CAP2: variants seen among roughly 807,000 people sequenced by gnomAD.
CAP2 encodes adenylyl cyclase-associated protein 2.
In CAP2, 24 loss-of-function variants were observed where a neutral mutation model predicts 57.7. That is an observed-to-expected ratio of 0.42 (90% CI 0.30 to 0.58). The LOEUF is 0.58. Among genes scored for constraint, CAP2 ranks in the 20% least tolerant of loss-of-function variants. The probability of loss-of-function intolerance (pLI) is 0.22; values close to 1 mark genes in which losing one functional copy is unlikely to be tolerated. For synonymous variants in CAP2, 194 were observed against 207.2 expected (o/e 0.94, Z 0.55); for missense variants, 501 against 590.3 (o/e 0.85, Z 1.57).
intron 3 of CAP2, among the ~76,000 whole-genome samples, chr6:17,427,877 G>A (rs1759632559): frequency 1.3e-5 from 2 of 152,230 alleles, no homozygotes; most frequent in South Asian, 4.1e-4. Flanking sequence ...TATGCTAAGT[G>A]AAATAAGCCA....
chr6:17,432,452 C>T (rs1054564491), intron 3 of CAP2, among the ~76,000 whole-genome samples: 1 of 152,184 alleles, frequency 6.6e-6, no homozygotes, highest in Admixed American at 6.5e-5. Context: ...TTTCTGTTCA[C>T]TGTTTTAATT....
At chr6:17,525,937 G>T (rs1167630300) in intron 7 of CAP2, among the ~76,000 whole-genome samples, 7 of 152,214 alleles carry the variant, frequency 4.6e-5, no homozygotes, top group African/African-American at 1.7e-4. Context: ...TTCCAGTTCA[G>T]CCTGAGATCA....
At chr6:17,471,344 C>G (rs1259607678) in intron 4 of CAP2, among the ~76,000 whole-genome samples, 1 of 152,076 alleles carries the variant, frequency 6.6e-6, no homozygotes, top group African/African-American at 2.4e-5. Context: ...GTAATTCTGG[C>G]CCTAATGTAA....
At chr6:17,441,355 C>G (rs1760067986) in intron 3 of CAP2, among the ~76,000 whole-genome samples, 1 of 151,526 alleles carries the variant, frequency 6.6e-6, no homozygotes, top group Non-Finnish European at 1.5e-5. Flanking sequence ...TCCTTATGTA[C>G]TTTCAAGCTT....
intron 2 of CAP2, among the ~76,000 whole-genome samples, chr6:17,423,208 C>T (rs1759492596): frequency 6.6e-6 from 1 of 152,196 alleles, no homozygotes; most frequent in Admixed American, 6.5e-5. Context: ...GGACCCGTGC[C>T]TGTATTACAT....
chr6:17,433,850 T>C lies in CAP2; in HGVS notation c.222+7160T>C, dbSNP rs372793423. On this transcript the variant is annotated intron_variant, in intron 3 of 12. Transcript: ENST00000229922. ...TTCATTGGACATCCCTGTGACTCCT[T>C]TTTTACTTAAAGTTTGTTTCTAGAG... Among the ~76,000 whole-genome samples the C allele has an allele frequency of 1.2e-4, 18 of 152,306 alleles. 1 individual carries two copies. Among genetic ancestry groups the C allele is most frequent in the African/African-American group, 4.1e-4 (17 of 41,582 alleles).
intron 7 of CAP2, among the ~76,000 whole-genome samples, chr6:17,525,104 T>C (rs780020453): frequency 2.0e-5 from 3 of 151,882 alleles, no homozygotes; most frequent in African/African-American, 4.8e-5. Flanking sequence ...GGTTTCACCA[T>C]GTTGGCCAGG....
chr6:17,417,420 C>T lies in CAP2; in HGVS notation c.-1-4135C>T, dbSNP rs188193663. Among the ~76,000 whole-genome samples, 383 of 151,794 alleles carry T rather than the reference C, an allele frequency of 2.5e-3. 1 individual carries two copies. The highest frequency in any genetic ancestry group is 8.0e-3 in the African/African-American group (330 of 41,424). ...TCCTCCAAATAGCTGGGATTGTAGG[C>T]GTGTGCCACCACACCCAGCTAATTT... On this transcript the variant is annotated intron_variant, in intron 1 of 12. Transcript: ENST00000229922.
At chr6:17,400,467 A>G (rs1456167070) in intron 1 of CAP2, among the ~76,000 whole-genome samples, 3 of 152,238 alleles carry the variant, frequency 2.0e-5, no homozygotes, top group Admixed American at 6.5e-5. Flanking sequence ...TAGAATGAAT[A>G]GAAGATGACA....
At chr6:17,482,377 C>T (rs1006720562) in intron 4 of CAP2, among the ~76,000 whole-genome samples, 10 of 151,930 alleles carry the variant, frequency 6.6e-5, no homozygotes, top group East Asian at 1.9e-4. Context: ...GGCATGGTGG[C>T]GTGCGCCTGT....
At position 17,393,626 on chromosome 6, in the gene CAP2, G is replaced by T. The variant is rs777144224; in HGVS notation, c.-122G>T. The stretch of plus-strand genomic sequence containing the variant: ...CCCCTGGAGCAGCGTGACTGACACC[G>T]GCTCCTATTCAGCTGGGAGGAGGGA... On this transcript the variant is annotated 5_prime_UTR_variant, in exon 1 of 13. Coordinates refer to ENST00000229922, the MANE Select transcript of CAP2 (RefSeq NM_006366.3). 1.3e-5 allele frequency: 2 copies of T among 152,394 alleles called. No homozygotes were observed. Among genetic ancestry groups the T allele is most frequent in the African/African-American group, 4.8e-5 (2 of 41,462 alleles). The allele number at this position is 152,394 out of a possible 1,614,324, so 9.4% of individuals were successfully genotyped here.
intron 6 of CAP2, among the ~76,000 whole-genome samples, chr6:17,508,025 G>A (rs373516172): frequency 1.3e-5 from 2 of 152,290 alleles, no homozygotes; most frequent in South Asian, 2.1e-4. Context: ...GCTTGGTGAT[G>A]GAACAACCCT....
At chr6:17,496,233 C>G (rs1761667251) in intron 4 of CAP2, among the ~76,000 whole-genome samples, 1 of 152,152 alleles carries the variant, frequency 6.6e-6, no homozygotes, top group African/African-American at 2.4e-5. Context: ...CACAGAATAC[C>G]AGTTCCTTAG....
chr6:17,411,732 C>T (rs1022249574), intron 1 of CAP2, among the ~76,000 whole-genome samples: 2 of 152,102 alleles, frequency 1.3e-5, no homozygotes, highest in African/African-American at 4.8e-5. Context: ...GGTTCACGAC[C>T]CTCCTGCCCA....
chr6:17,468,653 A>G (rs1760935067), intron 4 of CAP2, among the ~76,000 whole-genome samples: 1 of 152,240 alleles, frequency 6.6e-6, no homozygotes, highest in Non-Finnish European at 1.5e-5. Context: ...AGAATGGCCC[A>G]GTTCTTACAG....
intron 4 of CAP2, among the ~76,000 whole-genome samples, chr6:17,463,939 C>T (rs1760793344): frequency 6.6e-6 from 1 of 152,094 alleles, no homozygotes; most frequent in African/African-American, 2.4e-5. Context: ...AAGTAAGGCC[C>T]ATGGTAAATT....
intron 4 of CAP2, among the ~76,000 whole-genome samples, chr6:17,487,338 A>C (rs1056831115): frequency 1.1e-4 from 17 of 152,108 alleles, no homozygotes; most frequent in African/African-American, 3.9e-4. Flanking sequence ...CTGACAGGTC[A>C]GTTATTCTAA....
rs139135041 is a variant in CAP2 at position 17,420,973 on chromosome 6, C to T, written c.-1-582C>T. ...AGCACAATTCGCAATAGCAAAGATA[C>T]GGAACCAACGTTAAGTCTCCATCAA... On this transcript the variant is annotated intron_variant, in intron 1 of 12. Transcript: ENST00000229922. Among the ~76,000 whole-genome samples the T allele has an allele frequency of 2.1e-3, 313 of 147,066 alleles. 2 individuals carry two copies. In the East Asian group the frequency reaches 0.023, roughly 11 times the overall value.
chr6:17,547,765 C>T lies in CAP2; in HGVS notation c.1210-3699C>T, dbSNP rs994198639. Among the ~76,000 whole-genome samples, 14 of 149,488 alleles carry T rather than the reference C, an allele frequency of 9.4e-5. No homozygotes were observed. The East Asian group carries it at 1.0e-3, about 11-fold the overall frequency. On this transcript the variant is annotated intron_variant, in intron 11 of 12. Coordinates refer to ENST00000229922, the MANE Select transcript of CAP2 (RefSeq NM_006366.3). ...CTGAGGCAGGAGAATGGCATGAACC[C>T]GGGAGGCAGAGCTTGCAGTGAGCTG...
Sources: allele counts gnomAD v4.1 joint callset (sites outside exome capture counted in the v4.1 genomes callset), GRCh38; gene constraint gnomAD v4.1.1; transcripts MANE v1.5; gene names NCBI Gene and HGNC (gene_info 2026-07-23, HGNC 2026-07-21).